The following SGSM1 variants were observed in gnomAD, a reference collection of about 807,000 sequenced individuals.
SGSM1 encodes the protein small G protein signaling modulator 1.
Under a neutral mutation model 133.8 loss-of-function variants are expected in SGSM1, and 73 were observed. That is an observed-to-expected ratio of 0.55 (90% CI 0.45 to 0.66). SGSM1 has a LOEUF of 0.66. Ranked by LOEUF, SGSM1 falls within the 30% of genes least tolerant of loss-of-function variation. SGSM1 has a pLI of 0.00. For synonymous variants in SGSM1, 563 were observed against 573.0 expected (o/e 0.98, Z 0.25); for missense variants, 1,213 against 1,448.1 (o/e 0.84, Z 2.64).
At chr22:24,858,635 C>CAAAAAAAAAAAAAAAAAAA (rs139699) in intron 8 of SGSM1, among the ~76,000 whole-genome samples, 12 of 82,966 alleles carry the variant, frequency 1.4e-4, no homozygotes, top group African/African-American at 3.9e-4. Flanking sequence ...GACTCCATCT[C>CAAAAAAAAAAAAAAAAAAA]AAAAAAAAAA....
Position 24,890,154 on chromosome 22 carries a change from T to C in SGSM1, c.1771-3277T>C, listed in dbSNP as rs369238122. Among the ~76,000 whole-genome samples, 195 of 151,710 alleles carry C rather than the reference T, an allele frequency of 1.3e-3. No individual in the cohort carries two copies. In the East Asian group the frequency reaches 0.013, roughly 10 times the overall value. On this transcript the variant is annotated intron_variant, in intron 16 of 24. Transcript: ENST00000400358. ...TGTATTTTTAGCAGAGACAGGGTTT[T>C]ACCGTGTTAGATAGGATGGTCTCGA...
In SGSM1 at chr22:24,919,898, A is replaced by G; in HGVS notation, c.3098A>G (p.Tyr1033Cys). Residue 1033 changes from tyrosine to cysteine, a missense_variant, in exon 24 of 25, where the codon TAC (tyrosine) becomes TGC (cysteine). Coordinates refer to ENST00000400358, the MANE Select transcript of SGSM1 (RefSeq NM_001098497.3). ...GCCAAACACGTCTCCTCTGCGCACT[A>G]CGTCCTGTTCATTGCGCTGGCTCTG... is the stretch of plus-strand genomic sequence containing the variant. ...WAAKHVSSAH[Y>C]VLFIALALVE... is the part of the protein sequence containing the mutation. 1 of 1,613,966 alleles carries G rather than the reference A, an allele frequency of 6.2e-7. No homozygotes were observed. The highest frequency in any genetic ancestry group is 8.5e-7 in the Non-Finnish European group (1 of 1,179,882).
At chr22:24,899,182 A>G (rs764952840) in intron 19 of SGSM1, among the ~76,000 whole-genome samples, 4 of 152,072 alleles carry the variant, frequency 2.6e-5, no homozygotes, top group Non-Finnish European at 4.4e-5. Context: ...TGTTTTTCCT[A>G]GATGTGTTTT....
At chr22:24,909,044 A>G (rs937871066) in intron 21 of SGSM1, among the ~76,000 whole-genome samples, 2 of 152,318 alleles carry the variant, frequency 1.3e-5, no homozygotes, top group Non-Finnish European at 2.9e-5. Context: ...TCCTCCTGTC[A>G]TATCAGCGGT....
chr22:24,926,751 T>A lies in SGSM1; in HGVS notation c.*2477T>A, dbSNP rs1934221123. The A allele has an allele frequency of 6.6e-6, 1 of 152,244 alleles. No individual in the cohort carries two copies. Among genetic ancestry groups the A allele is most frequent in the South Asian group, 2.1e-4 (1 of 4,828 alleles). 9.4% of individuals were successfully genotyped at this position (152,244 alleles called of 1,614,324 possible). ...GACTCGTTCTGTCCGCGGAGTGCAC[T>A]CTTTTTTTCAGTGTGGCCCACATAT... is the stretch of plus-strand genomic sequence containing the variant. On this transcript the variant is annotated 3_prime_UTR_variant, in exon 25 of 25. Coordinates refer to ENST00000400358, the MANE Select transcript of SGSM1 (RefSeq NM_001098497.3).
chr22:24,809,152 TC>T (rs1927589052), intron 2 of SGSM1, among the ~76,000 whole-genome samples: 2 of 152,136 alleles, frequency 1.3e-5, no homozygotes, highest in Admixed American at 6.5e-5. Context: ...CCAAAGCACG[TC>T]TCCCCTGTCC....
In SGSM1 at chr22:24,895,207, C is replaced by T. The variant is rs751885686; in HGVS notation, c.1954-16C>T. 21 of 1,598,638 alleles carry T rather than the reference C, an allele frequency of 1.3e-5. No homozygotes were observed. In the South Asian group the frequency reaches 2.4e-4, roughly 18 times the overall value. Reference sequence around the variant, plus strand: ...GCAGCCTCACCCTCCCTCCCTCCTGCTCTTTCTTTTCTCAGTCCTCCCAGA... The same window carrying T: ...GCAGCCTCACCCTCCCTCCCTCCTGTTCTTTCTTTTCTCAGTCCTCCCAGA... On this transcript the variant is annotated splice_polypyrimidine_tract_variant and intron_variant, in intron 17 of 24. Transcript: ENST00000400358.
chr22:24,908,405 A>T (rs1569174966), intron 21 of SGSM1, among the ~76,000 whole-genome samples: 1 of 152,232 alleles, frequency 6.6e-6, no homozygotes, highest in Non-Finnish European at 1.5e-5. Flanking sequence ...CACCATCAAG[A>T]AAGTGGAAAG....
At chr22:24,844,386 CGTG>C (rs1929972165) in intron 2 of SGSM1, 1 of 152,590 alleles carries the variant, frequency 6.6e-6, no homozygotes, top group African/African-American at 2.4e-5. Context: ...GTTAGCTAGA[CGTG>C]GTGGTGGGCA....
chr22:24,878,217 C>T (rs1455375330), intron 13 of SGSM1, among the ~76,000 whole-genome samples: 1 of 152,118 alleles, frequency 6.6e-6, no homozygotes. Flanking sequence ...TGTGCAGGAC[C>T]CAGGAATCCA....
At chr22:24,871,793 A>G (rs552258708) in intron 12 of SGSM1, among the ~76,000 whole-genome samples, 63 of 152,158 alleles carry the variant, frequency 4.1e-4, no homozygotes, top group Non-Finnish European at 8.5e-4. Context: ...TTCAACCCAC[A>G]TGGAAATGGC....
intron 12 of SGSM1, among the ~76,000 whole-genome samples, chr22:24,870,530 C>T (rs1430589811): frequency 6.6e-6 from 1 of 152,222 alleles, no homozygotes; most frequent in Non-Finnish European, 1.5e-5. Flanking sequence ...TCTATGTCAT[C>T]CTCCTGTGGC....
At chr22:24,922,557 G>T (rs1934051957) in intron 24 of SGSM1, among the ~76,000 whole-genome samples, 1 of 149,114 alleles carries the variant, frequency 6.7e-6, no homozygotes, top group African/African-American at 2.5e-5. Flanking sequence ...CTCACTGCAA[G>T]CTCTGCCTCC....
intron 2 of SGSM1, among the ~76,000 whole-genome samples, chr22:24,841,520 T>C (rs537720821): frequency 6.6e-6 from 1 of 152,294 alleles, no homozygotes; most frequent in South Asian, 2.1e-4. Flanking sequence ...TTATTGATAT[T>C]CTGTCTGGTT....
At chr22:24,856,034 C>T in intron 8 of SGSM1, 1 of 432,650 alleles carries the variant, frequency 2.3e-6, no homozygotes, top group Non-Finnish European at 4.5e-6. Context: ...TCCATCCATC[C>T]ATCCATCCCT....
chr22:24,864,609 A>G lies in SGSM1; in HGVS notation c.927-2484A>G, dbSNP rs1326146222. Reference sequence around the variant, plus strand: ...TGTTGTAGGATTCCATTTAGATGAAATGTCCAGAAAAAGGCACATCTGTGG... The same window carrying G: ...TGTTGTAGGATTCCATTTAGATGAAGTGTCCAGAAAAAGGCACATCTGTGG... On this transcript the variant is annotated intron_variant, in intron 9 of 24. Coordinates refer to ENST00000400358, the MANE Select transcript of SGSM1 (RefSeq NM_001098497.3). 7.9e-5 allele frequency among the ~76,000 whole-genome samples: 12 copies of G among 152,370 alleles called. 1 individual carries two copies. The highest frequency in any genetic ancestry group is 1.5e-5 in the Non-Finnish European group (1 of 68,032).
In SGSM1 at chr22:24,876,517, C is replaced by A. The variant is rs1296068696; in HGVS notation, c.1292-60C>A. On this transcript the variant is annotated intron_variant, in intron 12 of 24. Transcript: ENST00000400358. ...AGCTGCTTGCTCTAGGGTGAGATTT[C>A]TGTGACCCACATAGGTTTAACCAGG... 5 of 1,602,350 alleles carry A rather than the reference C, an allele frequency of 3.1e-6. No individual in the cohort carries two copies. In the Admixed American group the frequency reaches 5.0e-5, roughly 16 times the overall value.
intron 12 of SGSM1, among the ~76,000 whole-genome samples, chr22:24,876,043 A>G (rs1932009163): frequency 6.6e-6 from 1 of 152,166 alleles, no homozygotes; most frequent in Non-Finnish European, 1.5e-5. Flanking sequence ...GGGAGTTGCT[A>G]ATATGTTTGA....
intron 19 of SGSM1, 89 bp downstream of exon 19, chr22:24,898,648 C>A: frequency 1.6e-6 from 2 of 1,286,182 alleles, no homozygotes. Flanking sequence ...AGAATGACCC[C>A]GGAGTCAGAC....
Sources: gnomAD v4.1 joint callset for allele counts (sites outside exome capture counted in the v4.1 genomes callset) on GRCh38, gnomAD v4.1.1 for gene constraint, MANE v1.5 for transcripts, NCBI Gene and HGNC (gene_info 2026-07-23, HGNC 2026-07-21) for gene names.